PRKAG2: variants seen among roughly 807,000 people sequenced by gnomAD.
The protein encoded by PRKAG2 is protein kinase AMP-activated non-catalytic subunit gamma 2, also known as 5'-AMP-activated protein kinase subunit gamma-2.
PRKAG2 carries 26 observed loss-of-function variants against 69.6 expected under a neutral mutation model. The observed-to-expected ratio is 0.37, with a 90% CI of 0.27 to 0.52. The LOEUF (loss-of-function observed/expected upper bound fraction) is 0.52, where lower values mean the gene tolerates loss of function less well. Ranked by LOEUF, PRKAG2 falls within the 20% of genes least tolerant of loss-of-function variation. The pLI is 0.90. For missense variants in PRKAG2, 557 were observed against 740.0 expected (o/e 0.75, Z 2.87); for synonymous variants, 293 against 285.0 (o/e 1.03, Z -0.28).
intron 1 of PRKAG2, among the ~76,000 whole-genome samples, chr7:151,792,119 G>T (rs1447172965): frequency 6.6e-6 from 1 of 152,168 alleles, no homozygotes; most frequent in Non-Finnish European, 1.5e-5. Flanking sequence ...GGTATCAGAG[G>T]CTATAAAAAG....
At chr7:151,658,362 G>A (rs182790114) in intron 4 of PRKAG2, among the ~76,000 whole-genome samples, 2 of 150,714 alleles carry the variant, frequency 1.3e-5, no homozygotes, top group Non-Finnish European at 2.9e-5. Flanking sequence ...GCGCGTGCCC[G>A]TAATCCCAGC....
chr7:151,826,316 G>C (rs183457554), intron 1 of PRKAG2, among the ~76,000 whole-genome samples: 372 of 152,108 alleles, frequency 2.4e-3, no homozygotes, highest in African/African-American at 8.7e-3. Flanking sequence ...GAGTAGCTGG[G>C]ATTACAGGCA....
chr7:151,805,363 C>G (rs1448027417), intron 1 of PRKAG2, among the ~76,000 whole-genome samples: 1 of 152,150 alleles, frequency 6.6e-6, no homozygotes, highest in Admixed American at 6.5e-5. Flanking sequence ...GAAGGAGCCT[C>G]TAGGATGTGC....
At chr7:151,675,679 A>C (rs765195246) in intron 3 of PRKAG2, 42 bp from the exon 4 acceptor site, 12 of 1,556,822 alleles carry the variant, frequency 7.7e-6, no homozygotes, top group Middle Eastern at 1.7e-4. Flanking sequence ...TCCGGCTTCC[A>C]GGAAGGGACG....
At chr7:151,735,996 G>A (rs1276573154) in intron 3 of PRKAG2, 9 of 1,536,146 alleles carry the variant, frequency 5.9e-6, no homozygotes, top group African/African-American at 2.7e-5. Flanking sequence ...CGCTTCATGG[G>A]TAGCTGTGGC....
At chr7:151,675,299 A>C (rs1223323425) in intron 4 of PRKAG2, 121 bp downstream of exon 4, 3 of 933,564 alleles carry the variant, frequency 3.2e-6, no homozygotes, top group African/African-American at 1.6e-5. Flanking sequence ...AATATCCTGA[A>C]GATGTCGGGA....
chr7:151,593,863 G>A (rs1201930171), intron 6 of PRKAG2, among the ~76,000 whole-genome samples: 3 of 152,172 alleles, frequency 2.0e-5, no homozygotes, highest in Admixed American at 6.5e-5. Context: ...ATTTCCATAC[G>A]TTAACAAGAA....
At chr7:151,762,038 G>A (rs894335733) in intron 3 of PRKAG2, among the ~76,000 whole-genome samples, 8 of 152,196 alleles carry the variant, frequency 5.3e-5, no homozygotes, top group Non-Finnish European at 1.2e-4. Flanking sequence ...TCATGGCCTG[G>A]GGCCATGCCC....
chr7:151,822,211 AG>A (rs911009499), intron 1 of PRKAG2, among the ~76,000 whole-genome samples: 20 of 152,320 alleles, frequency 1.3e-4, no homozygotes, highest in African/African-American at 4.8e-4. Context: ...TGTTCTGGCC[AG>A]GGCTGGGGCC....
intron 3 of PRKAG2, among the ~76,000 whole-genome samples, chr7:151,710,071 C>T (rs1466431598): frequency 6.6e-6 from 1 of 152,180 alleles, no homozygotes; most frequent in East Asian, 1.9e-4. Flanking sequence ...ATAGAAACTG[C>T]ACTGGTGTCT....
chr7:151,773,207 AAAGGAAAGAAAGG>A (rs1407114173), intron 3 of PRKAG2, among the ~76,000 whole-genome samples: 3 of 150,234 alleles, frequency 2.0e-5, no homozygotes, highest in South Asian at 2.1e-4. Context: ...GGAAAGAAAG[AAAGGAAAGAAAGG>A]AAGGAAAGAA....
Position 151,694,218 on chromosome 7 carries a change from C to T in PRKAG2, c.467-18581G>A, listed in dbSNP as rs151025077. ...AGCCACCCAGTCTATGGTATGATTA[C>T]GGCAGCCTAAACAGACGAAGACGCT... On this transcript the variant is annotated intron_variant, in intron 3 of 15. Coordinates refer to ENST00000287878, the MANE Select transcript of PRKAG2 (RefSeq NM_016203.4). 5.1e-3 allele frequency among the ~76,000 whole-genome samples: 782 copies of T among 152,344 alleles called. 3 individuals carry two copies. The highest frequency in any genetic ancestry group is 0.015 in the African/African-American group (643 of 41,578).
At chr7:151,578,207 T>C (rs1809460810) in intron 6 of PRKAG2, among the ~76,000 whole-genome samples, 2 of 151,796 alleles carry the variant, frequency 1.3e-5, no homozygotes, top group Non-Finnish European at 2.9e-5. Context: ...TAGCTGGGCA[T>C]GGTGGCGCAC....
chr7:151,718,152 CAGA>C (rs542038546), intron 3 of PRKAG2, among the ~76,000 whole-genome samples: 43 of 152,252 alleles, frequency 2.8e-4, no homozygotes, highest in African/African-American at 9.1e-4. Context: ...GCTTACGTAA[CAGA>C]AGTTGATTTT....
At chr7:151,792,788 G>T (rs2077324759) in intron 1 of PRKAG2, among the ~76,000 whole-genome samples, 1 of 152,230 alleles carries the variant, frequency 6.6e-6, no homozygotes. Context: ...AGAATGATTT[G>T]CATTCTCCGC....
chr7:151,609,383 G>C (rs780450223), intron 5 of PRKAG2, among the ~76,000 whole-genome samples: 7 of 152,150 alleles, frequency 4.6e-5, no homozygotes, highest in Non-Finnish European at 8.8e-5. Context: ...GAACAAGACA[G>C]ACTATCACTA....
intron 1 of PRKAG2, among the ~76,000 whole-genome samples, chr7:151,810,992 C>T (rs546926936): frequency 3.9e-5 from 6 of 152,060 alleles, no homozygotes; most frequent in Non-Finnish European, 8.8e-5. Context: ...CCCCAGGTGG[C>T]GGAGAGGGCA....
chr7:151,676,318 T>C (rs1367966576), intron 3 of PRKAG2, among the ~76,000 whole-genome samples: 1 of 151,844 alleles, frequency 6.6e-6, no homozygotes, highest in African/African-American at 2.4e-5. Flanking sequence ...ACGTGCAACA[T>C]GAACATCACC....
intron 1 of PRKAG2, among the ~76,000 whole-genome samples, chr7:151,830,790 G>GAT (rs1563736343): frequency 4.1e-5 from 6 of 146,522 alleles, no homozygotes; most frequent in African/African-American, 9.9e-5. Flanking sequence ...GGCGGGGCGG[G>GAT]GGGGGGTTGT....
Sources: gnomAD v4.1 joint callset for allele counts (sites outside exome capture counted in the v4.1 genomes callset) on GRCh38, gnomAD v4.1.1 for gene constraint, MANE v1.5 for transcripts, NCBI Gene and HGNC (gene_info 2026-07-23, HGNC 2026-07-21) for gene names.